Variants in BIRC6 observed in about 807,000 individuals in gnomAD.
BIRC6 encodes baculoviral IAP repeat containing 6.
BIRC6 carries 98 observed loss-of-function variants against 503.3 expected under a neutral mutation model. The ratio of observed to expected loss-of-function variants is 0.19; its 90% CI spans 0.17 to 0.23. BIRC6 has a LOEUF of 0.23. Among genes scored for constraint, BIRC6 ranks in the 10% least tolerant of loss-of-function variants. The probability of loss-of-function intolerance (pLI) is 1.00; values close to 1 mark genes in which losing one functional copy is unlikely to be tolerated. For missense variants in BIRC6, 5,360 were observed against 5,806.0 expected (o/e 0.92, Z 2.50); for synonymous variants, 2,240 against 2,078.7 (o/e 1.08, Z -2.11).
chr2:32,501,635 T>C (rs1217149393), intron 46 of BIRC6, 78 bp from the exon 47 acceptor site: 2 of 1,245,124 alleles, frequency 1.6e-6, no homozygotes, highest in South Asian at 3.6e-5. Context: ...CCTCCCAAAG[T>C]GTTGAGATTA....
chr2:32,585,876 G>A (rs960087217), intron 66 of BIRC6, among the ~76,000 whole-genome samples: 8 of 152,082 alleles, frequency 5.3e-5, no homozygotes, highest in African/African-American at 9.7e-5. Flanking sequence ...GAATTGCTTA[G>A]GTATATATTG....
In BIRC6 at chr2:32,470,236, T is replaced by A; in HGVS notation, c.6416T>A (p.Leu2139His). ...LSNSGVLESL[L>H]NLLDNLLSPL... Reference sequence around the variant, plus strand: ...AATAGTGGAGTATTAGAAAGCTTACTTAATCTCTTGGATAATTTATTGTCA... The same window carrying A: ...AATAGTGGAGTATTAGAAAGCTTACATAATCTCTTGGATAATTTATTGTCA... The change falls in exon 31 of 74, where the codon CTT (leucine) becomes CAT (histidine). Residue 2139 changes from leucine to histidine, a missense_variant. By Grantham distance (99) the Leu-to-His change is moderately conservative. Around this residue, in one of 16 missense-constraint regions of BIRC6, gnomAD observed 2,299 missense variants for 2,267.2 expected, o/e 1.01. Coordinates refer to ENST00000421745, the MANE Select transcript of BIRC6 (RefSeq NM_016252.4). 1 of 1,572,756 alleles carries A rather than the reference T, an allele frequency of 6.4e-7. No individual in the cohort carries two copies. The highest frequency in any genetic ancestry group is 8.6e-7 in the Non-Finnish European group (1 of 1,156,954).
intron 9 of BIRC6, among the ~76,000 whole-genome samples, chr2:32,408,588 A>C (rs1240751962): frequency 6.6e-6 from 1 of 152,034 alleles, no homozygotes; most frequent in African/African-American, 2.4e-5. Flanking sequence ...ATCTCAGTAC[A>C]TGTTTTTACA....
At chr2:32,435,327 A>G (rs2044581005) in intron 13 of BIRC6, 169 bp from the exon 14 acceptor site, 2 of 306,506 alleles carry the variant, frequency 6.5e-6, no homozygotes, top group South Asian at 1.3e-4. Context: ...TTTTCCTCCA[A>G]TCATTTTATA....
intron 33 of BIRC6, among the ~76,000 whole-genome samples, chr2:32,475,419 T>C (rs1049574358): frequency 6.6e-6 from 1 of 152,068 alleles, no homozygotes; most frequent in Admixed American, 6.5e-5. Flanking sequence ...CTGATTGCTG[T>C]TGTTTAGGGA....
At chr2:32,483,181 T>C (rs1271339446) in intron 39 of BIRC6, among the ~76,000 whole-genome samples, 1 of 152,188 alleles carries the variant, frequency 6.6e-6, no homozygotes, top group African/African-American at 2.4e-5. Flanking sequence ...CCTCCAAAAG[T>C]GCTTGGATTA....
chr2:32,546,377 C>T (rs552052572), intron 63 of BIRC6, among the ~76,000 whole-genome samples: 76 of 152,004 alleles, frequency 5.0e-4, no homozygotes, highest in African/African-American at 1.2e-3. Context: ...GTCAGGAGTT[C>T]GAGACTAGCC....
In BIRC6 at chr2:32,510,557, A is replaced by G; in HGVS notation, c.10269A>G (p.Leu3423=). The change falls in exon 53 of 74, where the codon CTA becomes CTG. Residue 3423 remains leucine (L), a synonymous_variant. Transcript: ENST00000421745. ...DLNSPLLFGR[L]NGLSSDSTID... ...ATAGTCCTTTACTTTTTGGAAGACT[A>G]AATGGACTCTCTTCTGACTCTACGA... 6.2e-7 allele frequency: 1 copy of G among 1,608,206 alleles called. No homozygotes were observed. Among genetic ancestry groups the G allele is most frequent in the East Asian group, 2.2e-5 (1 of 44,812 alleles).
intron 3 of BIRC6, among the ~76,000 whole-genome samples, chr2:32,388,310 A>C (rs907008771): frequency 2.0e-5 from 3 of 150,804 alleles, no homozygotes; most frequent in African/African-American, 7.3e-5. Context: ...TGAACCCAGG[A>C]GGCAGAGGTT....
At chr2:32,475,761 A>G (rs544864287) in intron 33 of BIRC6, among the ~76,000 whole-genome samples, 110 of 152,292 alleles carry the variant, frequency 7.2e-4, no homozygotes, top group Middle Eastern at 3.4e-3. Flanking sequence ...CTTAAGCTAC[A>G]TTGTAGCAAA....
chr2:32,424,597 C>A (rs1190085282), intron 10 of BIRC6, among the ~76,000 whole-genome samples: 2 of 151,916 alleles, frequency 1.3e-5, no homozygotes, highest in Admixed American at 1.3e-4. Flanking sequence ...TCACTGCAAC[C>A]TTTGCCTCCC....
intron 50 of BIRC6, among the ~76,000 whole-genome samples, chr2:32,507,197 C>A (rs149742359): frequency 1.1e-3 from 160 of 152,176 alleles, no homozygotes; most frequent in African/African-American, 3.7e-3. Context: ...TGGGAGGCTG[C>A]GGCAGGTGAA....
At position 32,487,912 on chromosome 2, in the gene BIRC6, T is replaced by C. The variant is rs554901407; in HGVS notation, c.7968+111T>C. On this transcript the variant is annotated intron_variant, in intron 41 of 73. Transcript: ENST00000421745. ...CCTGTCAGGGATGATTTCTTTATTA[T>C]ATTCAGTTGGAAAAATATTAGAAAT... 9 of 866,992 alleles carry C rather than the reference T, an allele frequency of 1.0e-5. No homozygotes were observed. The Admixed American group carries it at 1.7e-4, about 16-fold the overall frequency. 53.7% of individuals were successfully genotyped at this position (866,992 alleles called of 1,614,324 possible).
At chr2:32,430,786 A>G in intron 11 of BIRC6, 79 bp from the exon 12 acceptor site, 1 of 1,124,740 alleles carries the variant, frequency 8.9e-7, no homozygotes, top group Non-Finnish European at 1.3e-6. Context: ...CATGAATTAA[A>G]ACTTCACTTC....
Position 32,611,497 on chromosome 2 carries a change from G to T in BIRC6, c.14309G>T (p.Cys4770Phe). 6.2e-7 allele frequency: 1 copy of T among 1,611,246 alleles called. No individual in the cohort carries two copies. The highest frequency in any genetic ancestry group is 8.5e-7 in the Non-Finnish European group (1 of 1,178,224). ...AAAAGAGTTGAGATAATGGCCCAAT[G>T]TGAGGAGTGGATTGCGGATATCCAG... Reference protein sequence around the residue: ...YLKRVEIMAQCEEWIADIQQY... With the variant: ...YLKRVEIMAQFEEWIADIQQY... The change falls in exon 73 of 74, where the codon TGT (cysteine) becomes TTT (phenylalanine). Residue 4770 changes from cysteine to phenylalanine, a missense_variant. By Grantham distance (205) the Cys-to-Phe change is radical. Transcript: ENST00000421745.
intron 66 of BIRC6, among the ~76,000 whole-genome samples, chr2:32,589,185 G>T (rs2151314693): frequency 6.6e-6 from 1 of 152,172 alleles, no homozygotes; most frequent in East Asian, 1.9e-4. Context: ...TTGCTGCCAG[G>T]GCATGACACA....
chr2:32,447,464 TGGCCGGGCGGGG>T lies in BIRC6; in HGVS notation c.4485-1327_4485-1316del, dbSNP rs1174793242. On this transcript the variant is annotated intron_variant, in intron 21 of 73. Coordinates refer to ENST00000421745, the MANE Select transcript of BIRC6 (RefSeq NM_016252.4). ...CCACCTCCCTCCCGGACTGGGCGGCTGGCCGGGCGGGGGGCTGATCCCCCCACCTCCCTCCCG... is the reference window on the plus strand; with the variant it reads ...CCACCTCCCTCCCGGACTGGGCGGCTGGCTGATCCCCCCACCTCCCTCCCG... Among the ~76,000 whole-genome samples the T allele has an allele frequency of 2.2e-4, 31 of 138,810 alleles. 1 individual carries two copies. The highest frequency in any genetic ancestry group is 7.6e-4 in the African/African-American group (28 of 36,778). The allele number at this position is 138,810 out of a possible 152,430, so 91.1% of individuals were successfully genotyped here. A position where few individuals can be genotyped will look rare whatever the true frequency, so the allele number is the denominator to read the frequency against.
Position 32,463,455 on chromosome 2 carries a change from C to A in BIRC6, c.4941+74C>A, listed in dbSNP as rs180944490. On this transcript the variant is annotated intron_variant, in intron 24 of 73. Transcript: ENST00000421745. The stretch of plus-strand genomic sequence containing the variant: ...GCTGAAAAAGTACTTTAAAAATGAC[C>A]ATTATTTTCATAAAGAAACGTAGGT... The A allele has an allele frequency of 2.9e-6, 4 of 1,380,312 alleles. No individual in the cohort carries two copies. The East Asian group carries it at 1.0e-4, about 35-fold the overall frequency. The allele number at this position is 1,380,312 out of a possible 1,614,324, so 85.5% of individuals were successfully genotyped here. A position where few individuals can be genotyped will look rare whatever the true frequency, so the allele number is the denominator to read the frequency against.
chr2:32,611,348 ATG>A lies in BIRC6; in HGVS notation c.14260-98_14260-97del, dbSNP rs1572401839. On this transcript the variant is annotated intron_variant, in intron 72 of 73. Transcript: ENST00000421745. ...TGTATTTATAGAATAAATTATTTAAATGTATTTATAATACATTTTACTTCTTT... is the reference window on the plus strand; with the variant it reads ...TGTATTTATAGAATAAATTATTTAAATATTTATAATACATTTTACTTCTTT... 3 of 706,780 alleles carry A rather than the reference ATG, an allele frequency of 4.2e-6. No homozygotes were observed. In the East Asian group the frequency reaches 1.1e-4, roughly 26 times the overall value. 43.8% of individuals were successfully genotyped at this position (706,780 alleles called of 1,614,324 possible). A position where few individuals can be genotyped will look rare whatever the true frequency, so the allele number is the denominator to read the frequency against.
Sources: gnomAD v4.1 joint callset for allele counts (sites outside exome capture counted in the v4.1 genomes callset) on GRCh38, gnomAD v4.1.1 for gene constraint, gnomAD v4.1.1 regional missense constraint, MANE v1.5 for transcripts, NCBI Gene and HGNC (gene_info 2026-07-23, HGNC 2026-07-21) for gene names.